Variants in WASL observed in about 807,000 individuals in gnomAD.
The protein encoded by WASL is WASP like actin nucleation promoting factor.
In WASL, 20 loss-of-function variants were observed where a neutral mutation model predicts 55.5. The observed-to-expected ratio is 0.36, with a 90% CI of 0.25 to 0.52. The LOEUF is 0.52. Among genes scored for constraint, WASL ranks in the 20% least tolerant of loss-of-function variants. The pLI, the probability that WASL is intolerant of heterozygous loss-of-function variation, is 0.92. For missense variants in WASL, 504 were observed against 622.5 expected (o/e 0.81, Z 2.03); for synonymous variants, 249 against 217.6 (o/e 1.14, Z -1.27).
intron 1 of WASL, among the ~76,000 whole-genome samples, chr7:123,715,670 CTTT>C (rs376668881): frequency 9.9e-5 from 15 of 152,132 alleles, no homozygotes; most frequent in South Asian, 4.1e-4. Context: ...TAAAAAATCA[CTTT>C]ATTATATACA....
intron 5 of WASL, among the ~76,000 whole-genome samples, chr7:123,700,967 C>A (rs907033327): frequency 1.3e-5 from 2 of 152,090 alleles, no homozygotes; most frequent in Non-Finnish European, 2.9e-5. Flanking sequence ...TTTCTGTTGA[C>A]AATGGTTATT....
At chr7:123,722,726 A>G (rs1803969788) in intron 1 of WASL, among the ~76,000 whole-genome samples, 1 of 152,014 alleles carries the variant, frequency 6.6e-6, no homozygotes, top group African/African-American at 2.4e-5. Context: ...AATTGCTTGA[A>G]CCTGGGAGGC....
chr7:123,736,428 A>C (rs551378624), intron 1 of WASL, among the ~76,000 whole-genome samples: 1 of 152,350 alleles, frequency 6.6e-6, no homozygotes, highest in Admixed American at 6.5e-5. Flanking sequence ...AATGTCTCTA[A>C]AAGATAACTG....
At chr7:123,727,538 A>T (rs1230429255) in intron 1 of WASL, among the ~76,000 whole-genome samples, 1 of 152,198 alleles carries the variant, frequency 6.6e-6, no homozygotes, top group African/African-American at 2.4e-5. Flanking sequence ...GTGTACAATA[A>T]CAGAGATGAA....
At chr7:123,713,830 A>G (rs138871533) in intron 1 of WASL, among the ~76,000 whole-genome samples, 237 of 152,338 alleles carry the variant, frequency 1.6e-3, no homozygotes, top group African/African-American at 5.5e-3. Context: ...TCAGGACTCC[A>G]TATCGCAGGG....
At chr7:123,691,092 G>A (rs1184160654) in intron 9 of WASL, among the ~76,000 whole-genome samples, 1 of 152,148 alleles carries the variant, frequency 6.6e-6, no homozygotes, top group Non-Finnish European at 1.5e-5. Context: ...CTATGCTAAT[G>A]TTTACATGTT....
chr7:123,693,987 C>T (rs1803454094), intron 8 of WASL, among the ~76,000 whole-genome samples: 1 of 152,084 alleles, frequency 6.6e-6, no homozygotes, highest in African/African-American at 2.4e-5. Flanking sequence ...ATGAAAAAGA[C>T]ATAAGTAAAC....
In WASL at chr7:123,684,589, A is replaced by C; in HGVS notation, c.1457-9T>G. On this transcript the variant is annotated splice_polypyrimidine_tract_variant and intron_variant, in intron 10 of 10. Transcript: ENST00000223023. Reference sequence around the variant, plus strand: ...TTCATCTTCATCTTCATCTACAAGAAAATCAAGACAATTAAAACATATGCA... The same window carrying C: ...TTCATCTTCATCTTCATCTACAAGACAATCAAGACAATTAAAACATATGCA... The C allele has an allele frequency of 6.7e-7, 1 of 1,500,154 alleles. No homozygotes were observed. The highest frequency in any genetic ancestry group is 9.0e-7 in the Non-Finnish European group (1 of 1,114,172). The allele number at this position is 1,500,154 out of a possible 1,614,324, so 92.9% of individuals were successfully genotyped here. A position where few individuals can be genotyped will look rare whatever the true frequency, so the allele number is the denominator to read the frequency against.
intron 2 of WASL, among the ~76,000 whole-genome samples, 177 bp downstream of exon 2, chr7:123,708,912 G>A (rs1462186123): frequency 1.3e-5 from 2 of 151,460 alleles, no homozygotes; most frequent in Non-Finnish European, 2.9e-5. Context: ...CTTCAGACAT[G>A]TTCCCATTTG....
At chr7:123,717,881 G>C (rs944306230) in intron 1 of WASL, among the ~76,000 whole-genome samples, 4 of 152,134 alleles carry the variant, frequency 2.6e-5, no homozygotes, top group Non-Finnish European at 4.4e-5. Flanking sequence ...AGCAGCCATA[G>C]ATTATATGGA....
At chr7:123,704,455 C>T (rs567737276) in intron 5 of WASL, among the ~76,000 whole-genome samples, 179 bp downstream of exon 5, 79 of 152,104 alleles carry the variant, frequency 5.2e-4, no homozygotes, top group African/African-American at 1.7e-3. Flanking sequence ...AATAGGAACA[C>T]AATAAACTGT....
intron 9 of WASL, among the ~76,000 whole-genome samples, chr7:123,691,298 T>C (rs1412847620): frequency 3.9e-5 from 6 of 152,134 alleles, no homozygotes; most frequent in Non-Finnish European, 8.8e-5. Flanking sequence ...TATAAAAGGC[T>C]CCAAAAGAAG....
In WASL at chr7:123,718,362, T is replaced by C. The variant is rs565295716; in HGVS notation, c.118-9139A>G. On this transcript the variant is annotated intron_variant, in intron 1 of 10. Coordinates refer to ENST00000223023, the MANE Select transcript of WASL (RefSeq NM_003941.4). ...TTTGTATATGAAGAAAACAAACAACTATCTAAGCGAATATATTCATTTTGC... is the reference window on the plus strand; with the variant it reads ...TTTGTATATGAAGAAAACAAACAACCATCTAAGCGAATATATTCATTTTGC... Among the ~76,000 whole-genome samples, 58 of 152,294 alleles carry C rather than the reference T, an allele frequency of 3.8e-4. 1 individual carries two copies. The highest frequency in any genetic ancestry group is 6.8e-3 in the Middle Eastern group (2 of 294).
intron 1 of WASL, among the ~76,000 whole-genome samples, chr7:123,715,916 GATAA>G (rs1354491552): frequency 6.6e-6 from 1 of 152,198 alleles, no homozygotes; most frequent in African/African-American, 2.4e-5. Flanking sequence ...ATCATATACA[GATAA>G]AGGTGAGAGG....
At chr7:123,684,859 G>A (rs1369346714) in intron 10 of WASL, among the ~76,000 whole-genome samples, 1 of 151,970 alleles carries the variant, frequency 6.6e-6, no homozygotes, top group African/African-American at 2.4e-5. Flanking sequence ...CATCTGGGTT[G>A]ACCTTTCTGT....
At chr7:123,747,558 T>C (rs888801426) in intron 1 of WASL, among the ~76,000 whole-genome samples, 2 of 152,226 alleles carry the variant, frequency 1.3e-5, no homozygotes, top group Admixed American at 6.5e-5. Flanking sequence ...GCATACCTAA[T>C]ATTACTTAAA....
At chr7:123,708,783 T>A (rs1003222256) in intron 2 of WASL, among the ~76,000 whole-genome samples, 1 of 151,082 alleles carries the variant, frequency 6.6e-6, no homozygotes, top group Non-Finnish European at 1.5e-5. Context: ...AAGAGTTTCA[T>A]TAAAAAAATA....
rs1195526237 is a variant in WASL at position 123,721,011 on chromosome 7, A to G, written c.118-11788T>C. On this transcript the variant is annotated intron_variant, in intron 1 of 10. Transcript: ENST00000223023. ...TCTTTAGCTTCCCCCTAAAAAATTA[A>G]AAATAAACATTGCTGAATAACATAC... is the stretch of plus-strand genomic sequence containing the variant. Among the ~76,000 whole-genome samples, 41 of 152,230 alleles carry G rather than the reference A, an allele frequency of 2.7e-4. 1 individual carries two copies. The highest frequency in any genetic ancestry group is 2.7e-3 in the Admixed American group (41 of 15,286).
intron 1 of WASL, among the ~76,000 whole-genome samples, chr7:123,733,715 G>C (rs184873594): frequency 6.6e-6 from 1 of 152,066 alleles, no homozygotes; most frequent in Non-Finnish European, 1.5e-5. Context: ...CTGTCTTCAA[G>C]ACTTACTATA....
Sources: gnomAD v4.1 joint callset for allele counts (sites outside exome capture counted in the v4.1 genomes callset) on GRCh38, gnomAD v4.1.1 for gene constraint, MANE v1.5 for transcripts, NCBI Gene and HGNC (gene_info 2026-07-23, HGNC 2026-07-21) for gene names.